TNR: variants seen among roughly 807,000 people sequenced by gnomAD.
TNR encodes tenascin-R.
A neutral mutation model predicts 150.4 loss-of-function variants in TNR; 45 were observed. The ratio of observed to expected loss-of-function variants is 0.30; its 90% CI spans 0.24 to 0.38. TNR has a LOEUF of 0.38. Ranked by LOEUF, TNR falls within the 10% of genes least tolerant of loss-of-function variation. The probability of loss-of-function intolerance (pLI) is 1.00; values close to 1 mark genes in which losing one functional copy is unlikely to be tolerated. For missense variants in TNR, 1,544 were observed against 1,759.1 expected (o/e 0.88, Z 2.19); for synonymous variants, 687 against 678.4 (o/e 1.01, Z -0.20).
At position 175,490,572 on chromosome 1, in the gene TNR, C is replaced by T. The variant is rs183053408; in HGVS notation, c.-64+37697G>A. Among the ~76,000 whole-genome samples, 3 of 152,302 alleles carry T rather than the reference C, an allele frequency of 2.0e-5. No homozygotes were observed. In the East Asian group the frequency reaches 5.8e-4, roughly 29 times the overall value. On this transcript the variant is annotated intron_variant, in intron 2 of 22. Coordinates refer to ENST00000367674, the MANE Select transcript of TNR (RefSeq NM_003285.3). ...AAAGTGGGCAAAAGACATGAACAGA[C>T]ACTTCTCAAATGAAGACATTCATGT...
intron 1 of TNR, among the ~76,000 whole-genome samples, chr1:175,632,834 G>A (rs1558046479): frequency 1.3e-5 from 2 of 152,128 alleles, no homozygotes; most frequent in Non-Finnish European, 2.9e-5. Context: ...CAGAGCATCT[G>A]GTATCCATGA....
chr1:175,582,875 T>C (rs1571637190), intron 1 of TNR, among the ~76,000 whole-genome samples: 2 of 152,212 alleles, frequency 1.3e-5, no homozygotes, highest in African/African-American at 4.8e-5. Flanking sequence ...ATTGGGTTCA[T>C]TATAAAAGGG....
At chr1:175,697,417 T>A (rs1172480935) in intron 1 of TNR, among the ~76,000 whole-genome samples, 1 of 151,768 alleles carries the variant, frequency 6.6e-6, no homozygotes, top group Admixed American at 6.6e-5. Flanking sequence ...TCTCCTCTCA[T>A]TTTTTTCTGG....
intron 2 of TNR, among the ~76,000 whole-genome samples, chr1:175,457,939 T>C (rs1272633558): frequency 6.6e-6 from 1 of 152,242 alleles, no homozygotes; most frequent in African/African-American, 2.4e-5. Context: ...GAGTTGTTGT[T>C]TAAACTCATG....
chr1:175,437,664 A>G lies in TNR; in HGVS notation c.-63-30887T>C, dbSNP rs1292352622. 3.3e-5 allele frequency among the ~76,000 whole-genome samples: 5 copies of G among 152,360 alleles called. No homozygotes were observed. In the East Asian group the frequency reaches 9.6e-4, roughly 29 times the overall value. ...ATAAAGAAGAAAAGAGAGAAGAATC[A>G]AATAGACGCAATAAAAAATGATAAA... On this transcript the variant is annotated intron_variant, in intron 2 of 22. Transcript: ENST00000367674.
chr1:175,379,847 T>G (rs1652592391), intron 8 of TNR, 110 bp from the exon 9 acceptor site: 10 of 1,239,006 alleles, frequency 8.1e-6, no homozygotes, highest in Non-Finnish European at 1.1e-5. Context: ...CCCCTGACCC[T>G]CTGGCTCACA....
At chr1:175,698,760 G>T (rs1469409613) in intron 1 of TNR, among the ~76,000 whole-genome samples, 1 of 152,022 alleles carries the variant, frequency 6.6e-6, no homozygotes, top group Non-Finnish European at 1.5e-5. Flanking sequence ...GCTTGGACCT[G>T]GGAGTTGGAG....
At chr1:175,698,412 G>A (rs2101924752) in intron 1 of TNR, among the ~76,000 whole-genome samples, 1 of 152,276 alleles carries the variant, frequency 6.6e-6, no homozygotes, top group East Asian at 1.9e-4. Flanking sequence ...ATATAGAGGG[G>A]ACAGTGAGTG....
intron 2 of TNR, among the ~76,000 whole-genome samples, chr1:175,525,044 G>A (rs772724108): frequency 2.6e-5 from 4 of 152,146 alleles, no homozygotes; most frequent in Non-Finnish European, 4.4e-5. Flanking sequence ...ACATGGCATG[G>A]GAGGGACCTG....
At chr1:175,605,950 G>T (rs1366668206) in intron 1 of TNR, among the ~76,000 whole-genome samples, 1 of 152,142 alleles carries the variant, frequency 6.6e-6, no homozygotes, top group Non-Finnish European at 1.5e-5. Flanking sequence ...ATTTAGTGTT[G>T]GGAAGGGTTA....
chr1:175,381,176 G>A (rs1432057924), intron 8 of TNR, among the ~76,000 whole-genome samples: 1 of 152,198 alleles, frequency 6.6e-6, no homozygotes, highest in Non-Finnish European at 1.5e-5. Flanking sequence ...GGATAGAGAG[G>A]CATGTGGAGG....
chr1:175,585,098 T>C (rs1662514771), intron 1 of TNR, among the ~76,000 whole-genome samples: 1 of 152,236 alleles, frequency 6.6e-6, no homozygotes, highest in African/African-American at 2.4e-5. Context: ...CCTTAACTCA[T>C]GTCAACCCAT....
chr1:175,421,006 A>T (rs1168952420), intron 2 of TNR, among the ~76,000 whole-genome samples: 1 of 152,012 alleles, frequency 6.6e-6, no homozygotes, highest in South Asian at 2.1e-4. Context: ...ATTTTTTTTT[A>T]AAGTTTCAGC....
Position 175,355,747 on chromosome 1 carries a change from C to T in TNR, c.3119-114G>A. The stretch of plus-strand genomic sequence containing the variant: ...CTTTGGTCTCAGGATTGCTCACATG[C>T]TGACCCCTGCTCTGGCTTGGAAAGG... On this transcript the variant is annotated intron_variant, in intron 16 of 22. Transcript: ENST00000367674. 3 of 1,434,528 alleles carry T rather than the reference C, an allele frequency of 2.1e-6. No homozygotes were observed. In the African/African-American group the frequency reaches 4.2e-5, roughly 20 times the overall value. The allele number at this position is 1,434,528 out of a possible 1,614,324, so 88.9% of individuals were successfully genotyped here. A position where few individuals can be genotyped will look rare whatever the true frequency, so the allele number is the denominator to read the frequency against.
chr1:175,379,670 A>T lies in TNR; in HGVS notation c.1845T>A (p.Asp615Glu). 1 of 1,614,190 alleles carries T rather than the reference A, an allele frequency of 6.2e-7. No individual in the cohort carries two copies. The highest frequency in any genetic ancestry group is 8.5e-7 in the Non-Finnish European group (1 of 1,180,030). Residue 615 changes from aspartate (D) to glutamate (E), a missense_variant, in exon 9 of 23, where the codon GAT (aspartate) becomes GAA (glutamate). Asp to Glu is a conservative substitution (Grantham distance 45). Around this residue, in one of 2 missense-constraint regions of TNR, gnomAD observed 1,254 missense variants for 1,329.4 expected, o/e 0.94. Transcript: ENST00000367674. ...RTATSLDLEW[D>E]NSEAEVQEYK... is the part of the protein sequence containing the mutation. ...ACTCCTGAACTTCGGCTTCACTGTT[A>T]TCCCACTCGAGGTCAAGGCTGGTTG... is the stretch of plus-strand genomic sequence containing the variant.
At chr1:175,584,615 A>G (rs1662494142) in intron 1 of TNR, among the ~76,000 whole-genome samples, 1 of 152,238 alleles carries the variant, frequency 6.6e-6, no homozygotes, top group South Asian at 2.1e-4. Context: ...AACACTGAAA[A>G]TTATAACAAT....
intron 1 of TNR, among the ~76,000 whole-genome samples, chr1:175,608,907 G>C (rs1195049853): frequency 6.6e-6 from 1 of 152,228 alleles, no homozygotes; most frequent in Admixed American, 6.5e-5. Context: ...CTGCAGGCAG[G>C]AGTGCAGCCC....
intron 1 of TNR, among the ~76,000 whole-genome samples, chr1:175,682,320 C>T (rs56377949): frequency 3.3e-4 from 51 of 152,276 alleles, no homozygotes; most frequent in African/African-American, 1.2e-3. Context: ...GCTCCTAAAT[C>T]CTCACAATGA....
intron 2 of TNR, among the ~76,000 whole-genome samples, chr1:175,504,633 C>G (rs1250458823): frequency 6.6e-6 from 1 of 152,122 alleles, no homozygotes; most frequent in East Asian, 1.9e-4. Flanking sequence ...ACTCCCCTCC[C>G]CAAGGCAAGT....
Sources: allele counts gnomAD v4.1 joint callset (sites outside exome capture counted in the v4.1 genomes callset), GRCh38; gene constraint gnomAD v4.1.1; regional missense constraint gnomAD v4.1.1; transcripts MANE v1.5; gene names NCBI Gene and HGNC (gene_info 2026-07-23, HGNC 2026-07-21).